The following NBEA variants were observed in gnomAD, a reference collection of about 807,000 sequenced individuals.
NBEA encodes the protein neurobeachin, also known as lysosomal-trafficking regulator 2.
Under a neutral mutation model 343.4 loss-of-function variants are expected in NBEA, and 44 were observed. The ratio of observed to expected loss-of-function variants is 0.13; its 90% confidence interval spans 0.10 to 0.16. The LOEUF (loss-of-function observed/expected upper bound fraction) is 0.16, where lower values mean the gene tolerates loss of function less well. Among genes scored for constraint, NBEA ranks in the 10% least tolerant of loss-of-function variants. NBEA has a pLI of 1.00. For synonymous variants in NBEA, 1,175 were observed against 1,238.7 expected, an observed-to-expected ratio of 0.95 and a Z score of 1.08; for missense variants, 2,555 against 3,631.3, an observed-to-expected ratio of 0.70 and a Z score of 7.62.
intron 38 of NBEA, among the ~76,000 whole-genome samples, chr13:35,371,268 G>C (rs923906507): frequency 3.3e-5 from 5 of 151,910 alleles, no homozygotes; most frequent in African/African-American, 1.2e-4. Flanking sequence ...TAGTAGCTTT[G>C]TGATGTGTGT....
chr13:35,276,711 T>G (rs1383735066), intron 34 of NBEA, among the ~76,000 whole-genome samples: 1 of 152,200 alleles, frequency 6.6e-6, no homozygotes, highest in African/African-American at 2.4e-5. Flanking sequence ...GCACTTATAT[T>G]GTAGTGTTTA....
chr13:35,157,564 GT>G (rs2069256657), intron 21 of NBEA, among the ~76,000 whole-genome samples: 1 of 151,976 alleles, frequency 6.6e-6, no homozygotes, highest in South Asian at 2.1e-4. Flanking sequence ...CTTTCAACTG[GT>G]TCTTGGAAGA....
chr13:35,159,277 G>A lies in NBEA; in HGVS notation c.3106G>A (p.Asp1036Asn), dbSNP rs1394347213. 6.2e-7 allele frequency: 1 copy of A among 1,613,448 alleles called. No individual in the cohort carries two copies. The highest frequency in any genetic ancestry group is 2.2e-5 in the East Asian group (1 of 44,842). The change falls in exon 22 of 59, where the codon GAT becomes AAT. Residue 1036 changes from aspartate (D) to asparagine (N), a missense_variant. Coordinates refer to ENST00000379939, the MANE Select transcript of NBEA (RefSeq NM_001385012.1). ...DLLMSTKVSDDILGNSDRPGS... is the reference protein window; with the variant it reads ...DLLMSTKVSDNILGNSDRPGS... The stretch of plus-strand genomic sequence containing the variant: ...ACTCATGTCAACAAAAGTGTCAGAT[G>A]ATATTCTTGGAAATTCAGATAGACC...
chr13:35,472,338 C>T, intron 40 of NBEA, 62 bp from the exon 41 acceptor site: 9 of 1,558,820 alleles, frequency 5.8e-6, no homozygotes, highest in Non-Finnish European at 6.9e-6. Context: ...TGGTACCTTT[C>T]TGGGAGGGAG....
chr13:35,619,428 C>A (rs1022774226), intron 48 of NBEA, among the ~76,000 whole-genome samples: 1 of 152,054 alleles, frequency 6.6e-6, no homozygotes, highest in Non-Finnish European at 1.5e-5. Flanking sequence ...TCAGTGGCAG[C>A]AGACTGGACA....
In NBEA at chr13:35,159,734, C is replaced by A; in HGVS notation, c.3563C>A (p.Ala1188Asp). 6.2e-7 allele frequency: 1 copy of A among 1,613,240 alleles called. No homozygotes were observed. Among genetic ancestry groups the A allele is most frequent in the East Asian group, 2.2e-5 (1 of 44,774 alleles). Residue 1188 changes from alanine (A) to aspartate (D), a missense_variant, in exon 22 of 59, where the codon GCT (alanine) becomes GAT (aspartate). Ala to Asp is a moderately radical substitution (Grantham distance 126). Coordinates refer to ENST00000379939, the MANE Select transcript of NBEA (RefSeq NM_001385012.1). ...GTTAGTGATGATCTTGGATTGCTTG[C>A]TCACATGACCGGTAGCGTAGACTTA... ...LGVSDDLGLL[A>D]HMTGSVDLTC...
intron 1 of NBEA, among the ~76,000 whole-genome samples, chr13:34,947,050 C>G (rs2152480395): frequency 6.6e-6 from 1 of 151,570 alleles, no homozygotes; most frequent in South Asian, 2.1e-4. Flanking sequence ...CTAATAAAAC[C>G]ACATTTATAT....
At chr13:35,399,988 T>C (rs2042921638) in intron 38 of NBEA, among the ~76,000 whole-genome samples, 1 of 147,894 alleles carries the variant, frequency 6.8e-6, no homozygotes, top group Non-Finnish European at 1.5e-5. Context: ...TACCAACTTA[T>C]ATGGGTGCAG....
chr13:35,574,531 G>T (rs947209603), intron 45 of NBEA, among the ~76,000 whole-genome samples: 1 of 152,096 alleles, frequency 6.6e-6, no homozygotes, highest in South Asian at 2.1e-4. Flanking sequence ...AAAGAAATGC[G>T]GTCAGTGAGC....
chr13:35,436,481 C>T (rs190400801), intron 39 of NBEA, among the ~76,000 whole-genome samples: 136 of 152,172 alleles, frequency 8.9e-4, no homozygotes, highest in African/African-American at 3.1e-3. Context: ...GAGGCTGAGG[C>T]GGGTGGATCA....
chr13:35,461,742 A>G (rs2046915121), intron 40 of NBEA, among the ~76,000 whole-genome samples: 1 of 152,222 alleles, frequency 6.6e-6, no homozygotes, highest in Admixed American at 6.5e-5. Flanking sequence ...CATAAAGTTA[A>G]AAAGAGATTT....
intron 8 of NBEA, among the ~76,000 whole-genome samples, chr13:35,061,957 CT>C (rs1171012243): frequency 6.6e-6 from 1 of 151,520 alleles, no homozygotes; most frequent in African/African-American, 2.4e-5. Context: ...CAGAAAGTTT[CT>C]CTACAATATT....
intron 38 of NBEA, among the ~76,000 whole-genome samples, chr13:35,403,346 G>A (rs893358369): frequency 5.3e-5 from 8 of 151,928 alleles, no homozygotes; most frequent in Non-Finnish European, 7.4e-5. Flanking sequence ...TGAATATCCC[G>A]ATCTCTTGTT....
At chr13:34,958,355 T>C (rs2059562581) in intron 1 of NBEA, among the ~76,000 whole-genome samples, 1 of 152,160 alleles carries the variant, frequency 6.6e-6, no homozygotes, top group South Asian at 2.1e-4. Context: ...AACGATTCAT[T>C]TTTATTTATA....
intron 10 of NBEA, among the ~76,000 whole-genome samples, chr13:35,087,769 A>C (rs2064849894): frequency 6.6e-6 from 1 of 151,918 alleles, no homozygotes; most frequent in Non-Finnish European, 1.5e-5. Context: ...ACTTGGACAG[A>C]ATAGTCAGAA....
At chr13:35,648,849 G>A (rs1212044479) in intron 51 of NBEA, among the ~76,000 whole-genome samples, 1 of 150,226 alleles carries the variant, frequency 6.7e-6, no homozygotes, top group Non-Finnish European at 1.5e-5. Flanking sequence ...AACACGCACT[G>A]GGGCCTGTCA....
At chr13:35,618,451 T>G (rs557291655) in intron 48 of NBEA, among the ~76,000 whole-genome samples, 1 of 152,208 alleles carries the variant, frequency 6.6e-6, no homozygotes, top group Non-Finnish European at 1.5e-5. Context: ...AGTACTTTGT[T>G]GTTTAAGTTA....
chr13:35,416,124 A>G (rs1411372638), intron 38 of NBEA, among the ~76,000 whole-genome samples: 6 of 152,182 alleles, frequency 3.9e-5, no homozygotes, highest in East Asian at 1.9e-4. Context: ...TCAGCTTAAG[A>G]AGATTTTGGG....
chr13:35,332,558 A>G (rs910117679), intron 36 of NBEA, among the ~76,000 whole-genome samples: 3 of 152,164 alleles, frequency 2.0e-5, no homozygotes, highest in Admixed American at 1.3e-4. Context: ...ATGTAGATGT[A>G]GACAGACATT....
Sources: gnomAD v4.1 joint callset for allele counts (sites outside exome capture counted in the v4.1 genomes callset) on GRCh38, gnomAD v4.1.1 for gene constraint, MANE v1.5 for transcripts, NCBI Gene and HGNC (gene_info 2026-07-23, HGNC 2026-07-21) for gene names.